Variants in GYPC observed in about 807,000 individuals in gnomAD.
GYPC encodes glycophorin-C.
Under a neutral mutation model 12.6 loss-of-function variants are expected in GYPC, and 14 were observed. The ratio of observed to expected loss-of-function variants is 1.11; its 90% confidence interval spans 0.74 to 1.74. The LOEUF (loss-of-function observed/expected upper bound fraction) is 1.74. GYPC is among the 40% of genes most tolerant of loss of function. The pLI is 0.00. For synonymous variants in GYPC, 78 were observed against 62.1 expected, an observed-to-expected ratio of 1.26 and a Z score of -1.20; for missense variants, 225 against 172.1, an observed-to-expected ratio of 1.31 and a Z score of -1.72.
intron 2 of GYPC, 116 bp downstream of exon 2, chr2:126,690,427 G>A (rs1238192795): frequency 4.3e-5 from 35 of 807,664 alleles, no homozygotes. Flanking sequence ...AACATCCAGG[G>A]GAGAACTGAC....
chr2:126,665,806 G>C (rs144778585), intron 1 of GYPC, among the ~76,000 whole-genome samples: 2 of 152,354 alleles, frequency 1.3e-5, no homozygotes, highest in African/African-American at 4.8e-5. Flanking sequence ...GCATCACACA[G>C]ATGCAGATAT....
intron 1 of GYPC, 93 bp downstream of exon 1, chr2:126,656,405 GTGTCC>G (rs1682356974): frequency 2.6e-6 from 3 of 1,147,034 alleles, no homozygotes; most frequent in Non-Finnish European, 3.8e-6. Context: ...GGACGCCCTG[GTGTCC>G]CGGTCCGTGC....
intron 1 of GYPC, among the ~76,000 whole-genome samples, chr2:126,662,118 C>T (rs1682550608): frequency 6.6e-6 from 1 of 152,198 alleles, no homozygotes; most frequent in Admixed American, 6.5e-5. Flanking sequence ...TGAACTCTGG[C>T]ATGGAGAATC....
intron 1 of GYPC, among the ~76,000 whole-genome samples, chr2:126,677,213 CTG>C: frequency 1.3e-5 from 2 of 150,556 alleles, no homozygotes; most frequent in South Asian, 4.2e-4. Context: ...GCATGTGTGC[CTG>C]TGTGTGCATA....
At chr2:126,677,235 G>A (rs1558884614) in intron 1 of GYPC, among the ~76,000 whole-genome samples, 1 of 152,050 alleles carries the variant, frequency 6.6e-6, no homozygotes, top group Non-Finnish European at 1.5e-5. Context: ...ATGTGGGAGA[G>A]TGTGTGTAAG....
intron 2 of GYPC, among the ~76,000 whole-genome samples, chr2:126,691,520 G>A (rs886624217): frequency 6.6e-6 from 1 of 152,102 alleles, no homozygotes; most frequent in Non-Finnish European, 1.5e-5. Flanking sequence ...ATGGGAGCAG[G>A]GTAGGCTGAG....
intron 1 of GYPC, among the ~76,000 whole-genome samples, chr2:126,656,542 A>G (rs1682362074): frequency 6.6e-6 from 1 of 152,200 alleles, no homozygotes; most frequent in African/African-American, 2.4e-5. Flanking sequence ...CGCAGCCTCC[A>G]CGCGCTCCGA....
intron 2 of GYPC, 51 bp downstream of exon 2, chr2:126,690,362 G>T (rs774524722): frequency 7.5e-7 from 1 of 1,327,788 alleles, no homozygotes. Flanking sequence ...CGTGACTTCA[G>T]ATGAGCTCTC....
At chr2:126,687,617 TGGGGTG>T (rs922316203) in intron 1 of GYPC, among the ~76,000 whole-genome samples, 1 of 152,196 alleles carries the variant, frequency 6.6e-6, no homozygotes, top group Non-Finnish European at 1.5e-5. Flanking sequence ...ACACACTTGG[TGGGGTG>T]GGGGGCATGG....
rs745454692 is a variant in GYPC, at chr2:126,690,274, C to G, written c.69C>G (p.Ala23=). The change falls in exon 2 of 4, where the codon GCC becomes GCG. Residue 23 remains alanine, a synonymous_variant. Coordinates refer to ENST00000259254, the MANE Select transcript of GYPC (RefSeq NM_002101.5). ...TCACAGAGCCTGATCCGGGGATGGC[C>G]TCTGCCTCCACCACAATGCATACTA... is the stretch of plus-strand genomic sequence containing the variant. ...PLSLEPDPGM[A]SASTTMHTTT... is the part of the protein sequence containing the mutation. The G allele has an allele frequency of 2.5e-6, 4 of 1,613,100 alleles. No individual in the cohort carries two copies. The highest frequency in any genetic ancestry group is 2.2e-5 in the East Asian group (1 of 44,880).
At chr2:126,693,335 G>T (rs28369998) in intron 2 of GYPC, among the ~76,000 whole-genome samples, 5 of 152,286 alleles carry the variant, frequency 3.3e-5, no homozygotes, top group Non-Finnish European at 5.9e-5. Flanking sequence ...TTTGCCATGA[G>T]TGGGAGTAGT....
At chr2:126,661,894 G>A (rs1045301638) in intron 1 of GYPC, among the ~76,000 whole-genome samples, 3 of 152,198 alleles carry the variant, frequency 2.0e-5, no homozygotes, top group Non-Finnish European at 2.9e-5. Context: ...CCCTGGGCAG[G>A]GTGGCCTTGG....
At chr2:126,686,430 T>C in intron 1 of GYPC, 1 of 985,446 alleles carries the variant, frequency 1.0e-6, no homozygotes, top group Non-Finnish European at 1.2e-6. Context: ...AGAGAGTTAG[T>C]AGGAATGACT....
intron 1 of GYPC, chr2:126,686,701 A>G (rs1370237557): frequency 1.0e-6 from 1 of 984,858 alleles, no homozygotes; most frequent in Non-Finnish European, 1.2e-6. Flanking sequence ...GGCTGGGAAG[A>G]AAAAAAGTAG....
intron 1 of GYPC, among the ~76,000 whole-genome samples, chr2:126,687,111 G>C (rs1478907386): frequency 1.3e-5 from 2 of 152,182 alleles, no homozygotes; most frequent in East Asian, 3.9e-4. Context: ...ATCTCCAGAG[G>C]CTTCCGGAGC....
intron 1 of GYPC, among the ~76,000 whole-genome samples, chr2:126,682,195 C>T (rs1683167506): frequency 6.6e-6 from 1 of 152,222 alleles, no homozygotes; most frequent in Non-Finnish European, 1.5e-5. Flanking sequence ...TTTTGGTACC[C>T]CAAACACCTA....
At chr2:126,685,908 C>T (rs1683276474) in intron 1 of GYPC, 1 of 985,398 alleles carries the variant, frequency 1.0e-6, no homozygotes, top group South Asian at 4.7e-5. Flanking sequence ...CCTCCCAGAA[C>T]ACCTAGGTGT....
chr2:126,690,105 G>A (rs1011555378), intron 1 of GYPC, 150 bp from the exon 2 acceptor site: 4 of 716,324 alleles, frequency 5.6e-6, no homozygotes, highest in Non-Finnish European at 1.0e-5. Flanking sequence ...CCCCTGCTAG[G>A]AGTCGGTGGG....
intron 1 of GYPC, among the ~76,000 whole-genome samples, chr2:126,673,820 A>T (rs1174059763): frequency 1.3e-5 from 2 of 152,206 alleles, no homozygotes; most frequent in African/African-American, 4.8e-5. Context: ...ACACACACAC[A>T]TGCACATGGG....
Sources: gnomAD v4.1 joint callset for allele counts (sites outside exome capture counted in the v4.1 genomes callset) on GRCh38, gnomAD v4.1.1 for gene constraint, MANE v1.5 for transcripts, NCBI Gene and HGNC (gene_info 2026-07-23, HGNC 2026-07-21) for gene names.